SATB2: variants seen among roughly 807,000 people sequenced by gnomAD.
SATB2 encodes SATB homeobox 2.
A neutral mutation model predicts 73.4 loss-of-function variants in SATB2; 1 was observed. The ratio of observed to expected loss-of-function variants is 0.01; its 90% CI spans 0.00 to 0.06. The LOEUF (loss-of-function observed/expected upper bound fraction) is 0.06, where lower values mean the gene tolerates loss of function less well. SATB2 is among the 10% of genes least tolerant of loss of function. SATB2 has a pLI of 1.00. For synonymous variants in SATB2, 397 were observed against 367.0 expected, an observed-to-expected ratio of 1.08 and a Z score of -0.93; for missense variants, 459 against 945.8, an observed-to-expected ratio of 0.49 and a Z score of 6.75.
chr2:199,390,576 G>C (rs1395367275), intron 3 of SATB2, among the ~76,000 whole-genome samples: 1 of 152,110 alleles, frequency 6.6e-6, no homozygotes, highest in East Asian at 1.9e-4. Flanking sequence ...AAAGACACAA[G>C]CGAAAGAGTA....
In SATB2 at chr2:199,457,325, C is replaced by T. The variant is rs1205576263; in HGVS notation, c.-60+14G>A. The stretch of plus-strand genomic sequence containing the variant: ...CCCGAGCGCGGCGCGGGAGCCCTCG[C>T]CCTGCGTACTTACTGCTCACGGTCT... On this transcript the variant is annotated intron_variant, in intron 1 of 10. Coordinates refer to ENST00000417098, the MANE Select transcript of SATB2 (RefSeq NM_001172509.2). This position sits in a 1 kb window ranked among gnomAD's most constrained non-coding sequence, Gnocchi z 4.8. 2.0e-5 allele frequency: 3 copies of T among 152,114 alleles called. No homozygotes were observed. Among genetic ancestry groups the T allele is most frequent in the African/African-American group, 7.2e-5 (3 of 41,394 alleles). The allele number at this position is 152,114 out of a possible 1,614,324, so 9.4% of individuals were successfully genotyped here. A position where few individuals can be genotyped will look rare whatever the true frequency, so the allele number is the denominator to read the frequency against.
At chr2:199,328,328 G>A (rs1352473206) in intron 8 of SATB2, among the ~76,000 whole-genome samples, 2 of 152,124 alleles carry the variant, frequency 1.3e-5, no homozygotes, top group African/African-American at 2.4e-5. Flanking sequence ...ATCACCTGAG[G>A]TCAGGAGTTC....
intron 7 of SATB2, chr2:199,346,737 T>C (rs1305329712): frequency 6.6e-6 from 1 of 152,004 alleles, no homozygotes; most frequent in Non-Finnish European, 1.5e-5. Flanking sequence ...CTGATAAACA[T>C]AAAATATTTA....
At chr2:199,349,698 G>A (rs958438305) in intron 6 of SATB2, among the ~76,000 whole-genome samples, 1 of 152,048 alleles carries the variant, frequency 6.6e-6, no homozygotes, top group Non-Finnish European at 1.5e-5. Flanking sequence ...TCCATTTATT[G>A]ACTCACTTGC....
intron 3 of SATB2, among the ~76,000 whole-genome samples, chr2:199,422,752 T>C (rs1464348360): frequency 6.6e-6 from 1 of 152,082 alleles, no homozygotes; most frequent in Non-Finnish European, 1.5e-5. Flanking sequence ...CTTCACAGGG[T>C]TATTATGAGC....
chr2:199,414,015 C>T (rs973477775), intron 3 of SATB2, among the ~76,000 whole-genome samples: 14 of 152,204 alleles, frequency 9.2e-5, no homozygotes, highest in Non-Finnish European at 1.5e-5. Flanking sequence ...TAACATGTCA[C>T]TCCACTGACT....
At chr2:199,405,409 CA>C (rs1690601577) in intron 3 of SATB2, among the ~76,000 whole-genome samples, 1 of 152,056 alleles carries the variant, frequency 6.6e-6, no homozygotes, top group Non-Finnish European at 1.5e-5. Flanking sequence ...GATCTACCAC[CA>C]GGGGACCCAA....
At chr2:199,404,387 T>A (rs976483649) in intron 3 of SATB2, among the ~76,000 whole-genome samples, 2 of 152,170 alleles carry the variant, frequency 1.3e-5, no homozygotes, top group African/African-American at 4.8e-5. Context: ...CCAATAACTC[T>A]CAGTTAATGA....
chr2:199,467,089 G>T (rs1175116499), upstream of SATB2, among the ~76,000 whole-genome samples: 1 of 152,260 alleles, frequency 6.6e-6, no homozygotes, highest in Non-Finnish European at 1.5e-5. Context: ...ACTGGAACTG[G>T]GCAAGTCCCC....
chr2:199,364,386 A>C (rs1267173635), intron 6 of SATB2, among the ~76,000 whole-genome samples: 5 of 152,150 alleles, frequency 3.3e-5, no homozygotes, highest in African/African-American at 1.2e-4. Context: ...GCAAGACTAG[A>C]TCAGACAGGG....
chr2:199,424,227 C>T (rs1474568797), intron 3 of SATB2, among the ~76,000 whole-genome samples: 1 of 152,188 alleles, frequency 6.6e-6, no homozygotes, highest in African/African-American at 2.4e-5. Context: ...CTCAAAGCTG[C>T]CATCAAAAGA....
At chr2:199,423,539 T>A (rs1036778583) in intron 3 of SATB2, 4 of 152,084 alleles carry the variant, frequency 2.6e-5, no homozygotes, top group African/African-American at 9.7e-5. Flanking sequence ...AATGTATGCA[T>A]GGAAAGATTT....
chr2:199,336,304 T>C (rs1688337124), intron 7 of SATB2, among the ~76,000 whole-genome samples: 1 of 152,142 alleles, frequency 6.6e-6, no homozygotes, highest in Non-Finnish European at 1.5e-5. Context: ...ACATGGTTTC[T>C]ACTCACACCT....
At position 199,349,016 on chromosome 2, in the gene SATB2, C is replaced by A. The variant is rs750879444; in HGVS notation, c.858G>T (p.Val286=). 2.5e-6 allele frequency: 4 copies of A among 1,613,984 alleles called. No homozygotes were observed. The highest frequency in any genetic ancestry group is 3.4e-6 in the Non-Finnish European group (4 of 1,180,006). The change falls in exon 7 of 11, where the codon GTG becomes GTT. Residue 286 remains valine, a synonymous_variant. Transcript: ENST00000417098. ...GGCTCATGATGGGCTGTAATGCGGG[C>A]ACTTGGTTTCGGATTGGAGTACTGT... ...IHHSTPIRNQ[V]PALQPIMSPG... is the part of the protein sequence containing the mutation.
intron 7 of SATB2, among the ~76,000 whole-genome samples, chr2:199,335,222 A>G (rs1307450007): frequency 1.3e-5 from 2 of 152,148 alleles, no homozygotes; most frequent in Non-Finnish European, 2.9e-5. Context: ...ATATTTCTTT[A>G]TTAGGAAAGA....
intron 7 of SATB2, chr2:199,329,120 A>G (rs1160773055): frequency 2.2e-5 from 13 of 602,966 alleles, no homozygotes; most frequent in Middle Eastern, 4.5e-4. Flanking sequence ...TTCTATTCTG[A>G]CACTTTATCA....
intron 6 of SATB2, among the ~76,000 whole-genome samples, chr2:199,360,776 T>G (rs1300903376): frequency 6.6e-6 from 1 of 152,114 alleles, no homozygotes; most frequent in Non-Finnish European, 1.5e-5. Flanking sequence ...CTCTTTCCTC[T>G]CATGTCCTTG....
At chr2:199,348,387 A>T in intron 7 of SATB2, 1 of 239,044 alleles carries the variant, frequency 4.2e-6, no homozygotes, top group Non-Finnish European at 8.1e-6. Context: ...ATTCAAGATC[A>T]GGGTTACATC....
intron 3 of SATB2, among the ~76,000 whole-genome samples, chr2:199,392,597 AC>A (rs1171406664): frequency 6.6e-6 from 1 of 152,040 alleles, no homozygotes; most frequent in Non-Finnish European, 1.5e-5. Context: ...TCACATACCC[AC>A]TTTTGTTTGA....
Sources: gnomAD v4.1 joint callset for allele counts (sites outside exome capture counted in the v4.1 genomes callset) on GRCh38, gnomAD v4.1.1 for gene constraint, Gnocchi (gnomAD v3.1) non-coding constraint, MANE v1.5 for transcripts, NCBI Gene and HGNC (gene_info 2026-07-23, HGNC 2026-07-21) for gene names.